ATP8A1: variants seen among roughly 807,000 people sequenced by gnomAD.
ATP8A1 encodes the protein ATPase phospholipid transporting 8A1.
A neutral mutation model predicts 177.7 loss-of-function variants in ATP8A1; 90 were observed. That is an observed-to-expected ratio of 0.51 (90% CI 0.43 to 0.60). The LOEUF is 0.60. ATP8A1 is among the 20% of genes least tolerant of loss of function. The pLI, the probability that ATP8A1 is intolerant of heterozygous loss-of-function variation, is 0.00. For missense variants in ATP8A1, 1,072 were observed against 1,392.8 expected (o/e 0.77, Z 3.67); for synonymous variants, 493 against 485.9 (o/e 1.01, Z -0.19).
chr4:42,597,435 T>C (rs1420810759), intron 6 of ATP8A1, among the ~76,000 whole-genome samples: 1 of 152,196 alleles, frequency 6.6e-6, no homozygotes, highest in African/African-American at 2.4e-5. Flanking sequence ...TTTTTTCACC[T>C]ATGATTATAT....
In ATP8A1 at chr4:42,524,860, C is replaced by T; in HGVS notation, c.1723-13G>A. On this transcript the variant is annotated splice_polypyrimidine_tract_variant and intron_variant, in intron 20 of 36. Transcript: ENST00000381668. Reference sequence around the variant, plus strand: ...AAATTACAGTGTCCTGGAAAACAAACAGAGGGTAAAATGATTTAATTAAGC... The same window carrying T: ...AAATTACAGTGTCCTGGAAAACAAATAGAGGGTAAAATGATTTAATTAAGC... The T allele has an allele frequency of 1.9e-6, 3 of 1,571,646 alleles. No homozygotes were observed. Among genetic ancestry groups the T allele is most frequent in the Non-Finnish European group, 2.6e-6 (3 of 1,150,916 alleles).
intron 5 of ATP8A1, among the ~76,000 whole-genome samples, chr4:42,608,145 T>C (rs1034651687): frequency 3.3e-5 from 5 of 152,184 alleles, no homozygotes; most frequent in Admixed American, 1.3e-4. Flanking sequence ...AAACATTCTG[T>C]TAGAGAACAT....
chr4:42,616,197 T>TTA, intron 4 of ATP8A1, 119 bp from the exon 5 acceptor site: 1 of 827,892 alleles, frequency 1.2e-6, no homozygotes, highest in Non-Finnish European at 1.9e-6. Flanking sequence ...TCATTTCTCA[T>TTA]TCATGTCAAT....
At chr4:42,563,007 C>T (rs1019069317) in intron 15 of ATP8A1, among the ~76,000 whole-genome samples, 2 of 152,144 alleles carry the variant, frequency 1.3e-5, no homozygotes, top group Non-Finnish European at 1.5e-5. Flanking sequence ...GAGTGGGGCA[C>T]CGCTGAAAAG....
chr4:42,620,844 C>T (rs2109469829), intron 4 of ATP8A1, among the ~76,000 whole-genome samples: 1 of 152,298 alleles, frequency 6.6e-6, no homozygotes, highest in South Asian at 2.1e-4. Flanking sequence ...GGACGGAATT[C>T]TGATTCTATC....
intron 21 of ATP8A1, among the ~76,000 whole-genome samples, chr4:42,523,691 G>A (rs754346050): frequency 1.4e-4 from 21 of 152,156 alleles, no homozygotes; most frequent in South Asian, 4.1e-4. Flanking sequence ...CACATCTAGA[G>A]AGGAGAAAGA....
chr4:42,489,697 T>C (rs908299153), intron 24 of ATP8A1, among the ~76,000 whole-genome samples: 6 of 152,242 alleles, frequency 3.9e-5, no homozygotes, highest in African/African-American at 1.2e-4. Context: ...CAAATTCTTT[T>C]ATTTATGAAA....
chr4:42,611,473 T>TC (rs1418473043), intron 5 of ATP8A1, among the ~76,000 whole-genome samples: 1 of 152,200 alleles, frequency 6.6e-6, no homozygotes, highest in Non-Finnish European at 1.5e-5. Context: ...CAGCTCTATC[T>TC]CCCACACATT....
chr4:42,492,216 A>G (rs1722809849), intron 24 of ATP8A1, among the ~76,000 whole-genome samples: 1 of 152,168 alleles, frequency 6.6e-6, no homozygotes, highest in African/African-American at 2.4e-5. Context: ...CAGCATCTAT[A>G]CTTATTCTTA....
chr4:42,566,313 A>G (rs1046675162), intron 15 of ATP8A1, among the ~76,000 whole-genome samples: 1 of 152,210 alleles, frequency 6.6e-6, no homozygotes, highest in African/African-American at 2.4e-5. Flanking sequence ...TGAACTTTAC[A>G]TGAAACTGAA....
intron 35 of ATP8A1, among the ~76,000 whole-genome samples, chr4:42,419,396 T>C (rs1359986416): frequency 2.6e-5 from 4 of 152,200 alleles, no homozygotes; most frequent in Non-Finnish European, 5.9e-5. Flanking sequence ...ACTAATACTT[T>C]ATAATGCAAT....
At chr4:42,638,538 A>G (rs953381792) in intron 1 of ATP8A1, among the ~76,000 whole-genome samples, 1 of 152,222 alleles carries the variant, frequency 6.6e-6, no homozygotes, top group Non-Finnish European at 1.5e-5. Context: ...CTTGGATATT[A>G]ACCTAAAATA....
In ATP8A1 at chr4:42,556,165, C is replaced by A. The variant is rs1730216186; in HGVS notation, c.1341-125G>T. 5.5e-6 allele frequency: 3 copies of A among 544,120 alleles called. No individual in the cohort carries two copies. The South Asian group carries it at 1.1e-4, about 21-fold the overall frequency. The allele number at this position is 544,120 out of a possible 1,614,324, so 33.7% of individuals were successfully genotyped here. On this transcript the variant is annotated intron_variant, in intron 15 of 36. Coordinates refer to ENST00000381668, the MANE Select transcript of ATP8A1 (RefSeq NM_006095.2). ...CCTCAATAAATTAAATGTAATTTGG[C>A]CTGCATTTCTAAGTAAGACATCACA...
At chr4:42,443,728 T>C in intron 32 of ATP8A1, 56 bp from the exon 33 acceptor site, 1 of 780,996 alleles carries the variant, frequency 1.3e-6, no homozygotes, top group Non-Finnish European at 2.3e-6. Flanking sequence ...AGTACACAAA[T>C]ACTAATGAAA....
At chr4:42,590,763 C>A (rs374640623) in intron 7 of ATP8A1, 48 bp downstream of exon 7, 45 of 1,556,892 alleles carry the variant, frequency 2.9e-5, no homozygotes, top group South Asian at 1.0e-4. Flanking sequence ...CTCCGGTTTA[C>A]GGTGAGGACC....
Position 42,451,169 on chromosome 4 carries a change from G to A in ATP8A1, c.2896+812C>T, listed in dbSNP as rs77853145. ...GCAGGGATCACTCTGGCTACCTATG[G>A]AGAGGAGATCATCAGTGGGCAGCAG... On this transcript the variant is annotated intron_variant, in intron 30 of 36. Coordinates refer to ENST00000381668, the MANE Select transcript of ATP8A1 (RefSeq NM_006095.2). 6.5e-3 allele frequency among the ~76,000 whole-genome samples: 996 copies of A among 152,268 alleles called. 19 individuals are homozygous for A. Among genetic ancestry groups the A allele is most frequent in the African/African-American group, 0.022 (929 of 41,552 alleles).
At chr4:42,587,612 T>TTG (rs34333363) in intron 8 of ATP8A1, among the ~76,000 whole-genome samples, 3 of 87,566 alleles carry the variant, frequency 3.4e-5, no homozygotes, top group African/African-American at 1.5e-4. Context: ...CTTGTACAGC[T>TTG]TTTTTTTTTT....
chr4:42,569,447 G>C (rs1731693400), intron 14 of ATP8A1, among the ~76,000 whole-genome samples: 2 of 152,122 alleles, frequency 1.3e-5, no homozygotes, highest in African/African-American at 4.8e-5. Context: ...CTCTTCACCA[G>C]AACATTTACT....
At chr4:42,615,628 T>C (rs1355140052) in intron 5 of ATP8A1, among the ~76,000 whole-genome samples, 1 of 152,220 alleles carries the variant, frequency 6.6e-6, no homozygotes, top group Non-Finnish European at 1.5e-5. Flanking sequence ...TCTGCATGTA[T>C]AACTCAGTGT....
Sources: gnomAD v4.1 joint callset for allele counts (sites outside exome capture counted in the v4.1 genomes callset) on GRCh38, gnomAD v4.1.1 for gene constraint, MANE v1.5 for transcripts, NCBI Gene and HGNC (gene_info 2026-07-23, HGNC 2026-07-21) for gene names.